ANO3: variants seen among roughly 807,000 people sequenced by gnomAD.
ANO3 encodes the protein anoctamin 3, also known as anoctamin-3.
A neutral mutation model predicts 144.8 loss-of-function variants in ANO3; 99 were observed. The ratio of observed to expected loss-of-function variants is 0.68; its 90% CI spans 0.58 to 0.81. ANO3 has a LOEUF of 0.81. Ranked by LOEUF, ANO3 falls within the 30% of genes least tolerant of loss-of-function variation. The pLI is 0.00. For synonymous variants in ANO3, 414 were observed against 392.6 expected, an observed-to-expected ratio of 1.05 and a Z score of -0.64; for missense variants, 905 against 1,202.2, an observed-to-expected ratio of 0.75 and a Z score of 3.66.
chr11:26,338,481 T>A (rs1232411256), intron 1 of ANO3, among the ~76,000 whole-genome samples: 1 of 150,828 alleles, frequency 6.6e-6, no homozygotes, highest in Non-Finnish European at 1.5e-5. Flanking sequence ...CAGCAGAATG[T>A]GGGAGGGGCC....
At chr11:26,244,113 T>C (rs1476280716) in intron 1 of ANO3, among the ~76,000 whole-genome samples, 1 of 129,298 alleles carries the variant, frequency 7.7e-6, no homozygotes, top group African/African-American at 3.1e-5. Flanking sequence ...CAAGACTCTG[T>C]CTGAAAAAAA....
chr11:26,537,547 T>C, intron 10 of ANO3, 86 bp downstream of exon 10: 5 of 1,144,782 alleles, frequency 4.4e-6, no homozygotes, highest in South Asian at 1.2e-5. Flanking sequence ...AATCTAGCTG[T>C]CCACTCCCAG....
At chr11:26,618,620 G>GTGAGGCCCTCAT (rs1392918162) in intron 17 of ANO3, among the ~76,000 whole-genome samples, 1 of 152,148 alleles carries the variant, frequency 6.6e-6, no homozygotes, top group Non-Finnish European at 1.5e-5. Flanking sequence ...AGCCTGGCCT[G>GTGAGGCCCTCAT]TGAGGCCCTC....
At position 26,332,187 on chromosome 11, in the gene ANO3, C is replaced by G. The variant is rs1234399892; in HGVS notation, c.-89C>G. On this transcript the variant is annotated 5_prime_UTR_variant, in exon 1 of 27. Coordinates refer to ENST00000256737, the MANE Select transcript of ANO3 (RefSeq NM_031418.4). Reference sequence around the variant, plus strand: ...GATTGCAGTGCGCTCGCTGAGGCTCCGGACCTTGGAGCGTCTAGAGTCTGG... The same window carrying G: ...GATTGCAGTGCGCTCGCTGAGGCTCGGGACCTTGGAGCGTCTAGAGTCTGG... 9.9e-6 allele frequency: 16 copies of G among 1,611,452 alleles called. No homozygotes were observed. Among genetic ancestry groups the G allele is most frequent in the South Asian group, 5.5e-5 (5 of 90,812 alleles).
chr11:26,553,704 G>A (rs1332014272), intron 13 of ANO3, among the ~76,000 whole-genome samples: 6 of 152,088 alleles, frequency 3.9e-5, no homozygotes, highest in South Asian at 2.1e-4. Context: ...CTATCGGTAC[G>A]GAGAAAATGA....
intron 14 of ANO3, among the ~76,000 whole-genome samples, chr11:26,571,803 A>G (rs552880130): frequency 1.5e-4 from 23 of 152,266 alleles, no homozygotes; most frequent in Non-Finnish European, 2.6e-4. Context: ...TCTGTAATCT[A>G]GCAAATTTGG....
intron 1 of ANO3, among the ~76,000 whole-genome samples, chr11:26,266,267 T>A (rs1023175264): frequency 6.6e-6 from 1 of 152,130 alleles, no homozygotes; most frequent in Non-Finnish European, 1.5e-5. Context: ...CACTTCTCCT[T>A]TCCCCAAGAC....
chr11:26,294,894 G>GTATT (rs759756214), intron 1 of ANO3, among the ~76,000 whole-genome samples: 84 of 151,700 alleles, frequency 5.5e-4, no homozygotes, highest in Non-Finnish European at 1.1e-3. Flanking sequence ...TTTTTTAAAT[G>GTATT]TATTTATTTA....
intron 12 of ANO3, among the ~76,000 whole-genome samples, chr11:26,549,699 T>C (rs1392782739): frequency 6.6e-6 from 1 of 151,896 alleles, no homozygotes; most frequent in East Asian, 1.9e-4. Flanking sequence ...TCTTACATAA[T>C]CAAATATGGC....
chr11:26,221,716 G>GT (rs57605859), intron 1 of ANO3, among the ~76,000 whole-genome samples: 16,769 of 152,174 alleles, frequency 0.11, 1,890 homozygotes, highest in African/African-American at 0.29. Flanking sequence ...GTCAGAAGGT[G>GT]ATGCAAGAGC....
intron 17 of ANO3, among the ~76,000 whole-genome samples, chr11:26,605,148 C>T (rs1265628076): frequency 2.0e-5 from 3 of 152,106 alleles, no homozygotes; most frequent in Non-Finnish European, 2.9e-5. Context: ...TTATCGAAGG[C>T]CTTTTCTGCA....
intron 1 of ANO3, among the ~76,000 whole-genome samples, chr11:26,354,725 C>T (rs1324144632): frequency 2.0e-5 from 3 of 152,008 alleles, no homozygotes; most frequent in African/African-American, 7.2e-5. Context: ...TTCATATTAC[C>T]TCCACAATTC....
intron 13 of ANO3, among the ~76,000 whole-genome samples, chr11:26,554,669 A>C (rs1042631342): frequency 3.9e-5 from 6 of 152,168 alleles, no homozygotes; most frequent in Non-Finnish European, 7.4e-5. Flanking sequence ...GTGCATAATG[A>C]GGGCTCCCAG....
intron 14 of ANO3, among the ~76,000 whole-genome samples, chr11:26,584,168 T>C (rs1473892489): frequency 6.6e-6 from 1 of 152,044 alleles, no homozygotes; most frequent in African/African-American, 2.4e-5. Flanking sequence ...TGTTTGTTTG[T>C]TTGTTTGTTG....
chr11:26,611,673 C>A (rs1852102832), intron 17 of ANO3, among the ~76,000 whole-genome samples: 1 of 152,082 alleles, frequency 6.6e-6, no homozygotes, highest in African/African-American at 2.4e-5. Flanking sequence ...GGTTTTCTGT[C>A]TAGATTATCT....
intron 4 of ANO3, among the ~76,000 whole-genome samples, chr11:26,478,028 T>A (rs1202190644): frequency 6.6e-6 from 1 of 152,168 alleles, no homozygotes; most frequent in Non-Finnish European, 1.5e-5. Context: ...TTTAGCTATT[T>A]AAAAGTGCAG....
At chr11:26,272,927 A>C (rs540311822) in intron 1 of ANO3, among the ~76,000 whole-genome samples, 1 of 152,314 alleles carries the variant, frequency 6.6e-6, no homozygotes, top group South Asian at 2.1e-4. Context: ...ATCAGGGTAC[A>C]TGCTCGATAC....
Position 26,332,246 on chromosome 11 carries a change from C to T in ANO3, c.-30C>T. On this transcript the variant is annotated 5_prime_UTR_variant, in exon 1 of 27. Transcript: ENST00000256737. ...CCTCCGCCTCCCTCTCGGGCAGCTC[C>T]CTAAGCCGGCTGGGACGCGCAGAGT... 6.2e-7 allele frequency: 1 copy of T among 1,614,046 alleles called. No homozygotes were observed. The highest frequency in any genetic ancestry group is 8.5e-7 in the Non-Finnish European group (1 of 1,179,998).
chr11:26,530,827 C>G (rs1293785533), intron 7 of ANO3, among the ~76,000 whole-genome samples: 1 of 152,092 alleles, frequency 6.6e-6, no homozygotes, highest in African/African-American at 2.4e-5. Context: ...CAAGATTGCA[C>G]CACTGGACTC....
Sources: allele counts gnomAD v4.1 joint callset (sites outside exome capture counted in the v4.1 genomes callset), GRCh38; gene constraint gnomAD v4.1.1; transcripts MANE v1.5; gene names NCBI Gene and HGNC (gene_info 2026-07-23, HGNC 2026-07-21).